TENM1: variants seen among roughly 807,000 people sequenced by gnomAD.
TENM1 encodes teneurin transmembrane protein 1.
TENM1 carries 35 observed loss-of-function variants against 174.8 expected under a neutral mutation model. That is an observed-to-expected ratio of 0.20 (90% CI 0.15 to 0.27). The LOEUF (loss-of-function observed/expected upper bound fraction) is 0.27, where lower values mean the gene tolerates loss of function less well. Among genes scored for constraint, TENM1 ranks in the 10% least tolerant of loss-of-function variants. The pLI is 1.00. For synonymous variants in TENM1, 781 were observed against 798.7 expected, an observed-to-expected ratio of 0.98 and a Z score of 0.37; for missense variants, 1,633 against 2,130.1, an observed-to-expected ratio of 0.77 and a Z score of 4.59.
chrX:124,737,179 T>C, exon 4 of TENM1: 1 of 1,206,788 alleles, frequency 8.3e-7, no homozygotes, highest in Non-Finnish European at 1.1e-6. Flanking sequence ...GAACTGGTTG[T>C]GTGGGCTGCT....
chrX:124,488,583 C>G lies in TENM1; in HGVS notation c.3696-1354G>C, dbSNP rs181729407. Among the ~76,000 whole-genome samples, 17 of 112,081 alleles carry G rather than the reference C, an allele frequency of 1.5e-4. No individual in the cohort carries two copies. The Admixed American group carries it at 1.6e-3, about 11-fold the overall frequency. ...GAGGAGCTCTGATTAGAAACCTGGC[C>G]GCAGGCATTTACGCCTCTTTCAATT... On this transcript the variant is annotated intron_variant, in intron 20 of 31. Coordinates refer to ENST00000422452, the Ensembl canonical transcript of TENM1.
intron 23 of TENM1, among the ~76,000 whole-genome samples, chrX:124,435,569 T>G (rs374999374): frequency 4.5e-5 from 5 of 111,971 alleles, no homozygotes; most frequent in African/African-American, 1.6e-4. Flanking sequence ...AACTCATGAT[T>G]GTTCTACTCA....
chrX:124,856,816 T>C (rs1293001054), intron 3 of TENM1, among the ~76,000 whole-genome samples: 8 of 110,986 alleles, frequency 7.2e-5, no homozygotes, highest in Non-Finnish European at 3.8e-5. Flanking sequence ...AGTGACGTGG[T>C]AGTGGGTTGT....
chrX:125,111,269 G>T, the TENM1 span, among the ~76,000 whole-genome samples: 4 of 111,190 alleles, frequency 3.6e-5, no homozygotes, highest in East Asian at 1.1e-3. Context: ...CAGTAGCAAG[G>T]GTAAAGAGTG....
the TENM1 span, among the ~76,000 whole-genome samples, chrX:125,112,005 C>T: frequency 2.7e-5 from 3 of 111,126 alleles, no homozygotes; most frequent in Non-Finnish European, 3.8e-5. Flanking sequence ...CCATAATAAT[C>T]TTTCTTTACC....
chrX:124,996,510 C>T, the TENM1 span, among the ~76,000 whole-genome samples: 1 of 104,713 alleles, frequency 9.5e-6, no homozygotes, highest in Non-Finnish European at 2.0e-5. Context: ...TTTACTGATT[C>T]CATTACAGCT....
upstream of TENM1, among the ~76,000 whole-genome samples, chrX:124,965,179 G>A (rs907036795): frequency 8.1e-5 from 9 of 111,369 alleles, no homozygotes; most frequent in South Asian, 7.6e-4. Context: ...CCGGGTTCAC[G>A]CCATTCTTCT....
the TENM1 span, among the ~76,000 whole-genome samples, chrX:125,086,616 T>G: frequency 9.0e-6 from 1 of 111,080 alleles, no homozygotes; most frequent in Non-Finnish European, 1.9e-5. Flanking sequence ...TTCTTTACAT[T>G]TATAATTTCT....
intron 3 of TENM1, among the ~76,000 whole-genome samples, chrX:124,864,823 C>T (rs1204021135): frequency 9.1e-6 from 1 of 109,465 alleles, no homozygotes; most frequent in Non-Finnish European, 1.9e-5. Flanking sequence ...AATAATACAA[C>T]TCTCAAAGGT....
At chrX:125,154,755 G>C in the TENM1 span, among the ~76,000 whole-genome samples, 1 of 110,228 alleles carries the variant, frequency 9.1e-6, no homozygotes, top group African/African-American at 3.3e-5. Context: ...GGGTGGGTTC[G>C]TGGTCTCGCT....
chrX:124,624,370 T>C (rs928870300), intron 11 of TENM1, among the ~76,000 whole-genome samples: 1 of 111,917 alleles, frequency 8.9e-6, no homozygotes, highest in Admixed American at 9.5e-5. Context: ...TGATGTCAAG[T>C]TCAAATCTAC....
chrX:124,903,452 A>G (rs2057695620), intron 1 of TENM1, among the ~76,000 whole-genome samples: 2 of 112,352 alleles, frequency 1.8e-5, no homozygotes, highest in Admixed American at 9.5e-5. Flanking sequence ...AAGACGAGGT[A>G]GAAACCTGGA....
chrX:125,155,777 C>A, the TENM1 span, among the ~76,000 whole-genome samples: 526 of 112,768 alleles, frequency 4.7e-3, 5 homozygotes, highest in African/African-American at 0.016. Context: ...TGAGCCCACA[C>A]CCACCCGGAA....
intron 3 of TENM1, among the ~76,000 whole-genome samples, chrX:124,757,225 C>A (rs2054279654): frequency 8.9e-6 from 1 of 112,464 alleles, no homozygotes; most frequent in Non-Finnish European, 1.9e-5. Context: ...GCCTCGCTGC[C>A]ACCTTGCAGT....
intron 3 of TENM1, among the ~76,000 whole-genome samples, chrX:124,804,579 C>G (rs2055542227): frequency 8.9e-6 from 1 of 111,952 alleles, no homozygotes; most frequent in African/African-American, 3.2e-5. Flanking sequence ...TCAAAAATGA[C>G]TTCCAATAAC....
chrX:124,930,203 G>T (rs1333816703), intron 1 of TENM1, among the ~76,000 whole-genome samples: 1 of 111,500 alleles, frequency 9.0e-6, no homozygotes, highest in Non-Finnish European at 1.9e-5. Context: ...TCATACAATT[G>T]ACACTTTAAG....
the TENM1 span, among the ~76,000 whole-genome samples, chrX:125,106,900 C>A: frequency 8.9e-6 from 1 of 111,810 alleles, no homozygotes; most frequent in African/African-American, 3.3e-5. Flanking sequence ...AGAAAGGAAA[C>A]GGTCACAGAA....
At chrX:124,546,788 C>G (rs2048440437) in intron 15 of TENM1, 86 bp downstream of exon 18, 10 of 804,785 alleles carry the variant, frequency 1.2e-5, no homozygotes, top group Non-Finnish European at 1.8e-5. Flanking sequence ...TGGGAAGTAA[C>G]CTGATCCTTA....
At chrX:125,000,736 G>C in the TENM1 span, among the ~76,000 whole-genome samples, 1 of 110,985 alleles carries the variant, frequency 9.0e-6, no homozygotes, top group Non-Finnish European at 1.9e-5. Context: ...TTTTTTTCTG[G>C]CCAGCAAGCC....
Sources: gnomAD v4.1 joint callset for allele counts (sites outside exome capture counted in the v4.1 genomes callset) on GRCh38, gnomAD v4.1.1 for gene constraint, MANE v1.5 for transcripts, NCBI Gene and HGNC (gene_info 2026-07-23, HGNC 2026-07-21) for gene names.